DENND1C: variants seen among roughly 807,000 people sequenced by gnomAD.
The protein encoded by DENND1C is DENN domain containing 1C, also known as DENN domain-containing protein 1C.
In DENND1C, 64 loss-of-function variants were observed where a neutral mutation model predicts 87.9. The ratio of observed to expected loss-of-function variants is 0.73; its 90% CI spans 0.60 to 0.90. The LOEUF (loss-of-function observed/expected upper bound fraction) is 0.90. Among genes scored for constraint, DENND1C ranks in the 40% least tolerant of loss-of-function variants. DENND1C has a pLI of 0.00. For synonymous variants in DENND1C, 384 were observed against 424.4 expected (o/e 0.90, Z 1.17); for missense variants, 980 against 1,037.0 (o/e 0.95, Z 0.76).
intron 1 of DENND1C, chr19:6,480,576 AT>A: frequency 4.0e-6 from 1 of 252,510 alleles, no homozygotes; most frequent in African/African-American, 3.2e-5. Context: ...CTATCTATCT[AT>A]CTATCTATCT....
chr19:6,468,105 C>G lies in DENND1C; in HGVS notation c.1805G>C (p.Arg602Thr). 6.2e-7 allele frequency: 1 copy of G among 1,613,326 alleles called. No homozygotes were observed. The highest frequency in any genetic ancestry group is 1.1e-5 in the South Asian group (1 of 91,038). ...TAGTTTCTTATCGTCTGGTTGCCAT[C>G]TTGGTATGTTGGGCTAGGTGAGATG... is the stretch of plus-strand genomic sequence containing the variant. ...DSCFSLPNIP[R>T]WQPDDKKLPE... The change falls in exon 23 of 23, where the codon AGA becomes ACA. Residue 602 changes from arginine (R) to threonine (T), a missense_variant. By Grantham distance (71) the Arg-to-Thr change is moderately conservative. Coordinates refer to ENST00000381480, the MANE Select transcript of DENND1C (RefSeq NM_024898.4).
chr19:6,479,545 T>G, intron 4 of DENND1C, 124 bp downstream of exon 4: 1 of 1,211,858 alleles, frequency 8.3e-7, no homozygotes, highest in Non-Finnish European at 1.2e-6. Flanking sequence ...AGTGTCTGAG[T>G]CTCTGAGTCT....
Position 6,467,701 on chromosome 19 carries a change from G to C in DENND1C, c.2209C>G (p.Pro737Ala). 1 of 1,521,756 alleles carries C rather than the reference G, an allele frequency of 6.6e-7. No individual in the cohort carries two copies. The highest frequency in any genetic ancestry group is 8.8e-7 in the Non-Finnish European group (1 of 1,137,784). 94.3% of individuals were successfully genotyped at this position (1,521,756 alleles called of 1,614,324 possible). ...TCCAGAGAACTGGGGTCTGAGGAAG[G>C]ATCAAGGGGCTGGGACGTCCAGGCT... The part of the protein sequence containing the change: ...DIAWTSQPLD[P>A]SSDPSSLEDP... The change falls in exon 23 of 23, where the codon CCT (proline) becomes GCT (alanine). Residue 737 changes from proline to alanine, a missense_variant. Pro to Ala is a conservative substitution (Grantham distance 27, BLOSUM62 -1). Coordinates refer to ENST00000381480, the MANE Select transcript of DENND1C (RefSeq NM_024898.4).
Position 6,475,600 on chromosome 19 carries a change from G to A in DENND1C, c.826-15C>T. On this transcript the variant is annotated splice_polypyrimidine_tract_variant and intron_variant, in intron 12 of 22. Transcript: ENST00000381480. ...TCTCGTACTCTCTGCGGAAAAGCGG[G>A]GTCGGCCGCTCAGAGCCCGGGAGTC... 3 of 1,613,990 alleles carry A rather than the reference G, an allele frequency of 1.9e-6. No individual in the cohort carries two copies. Among genetic ancestry groups the A allele is most frequent in the Middle Eastern group, 1.6e-4 (1 of 6,062 alleles).
intron 19 of DENND1C, 93 bp from the exon 20 acceptor site, chr19:6,469,046 T>C: frequency 1.4e-6 from 1 of 730,330 alleles, no homozygotes; most frequent in Non-Finnish European, 1.9e-6. Flanking sequence ...TTTTTTTTTG[T>C]TTGAAATGAA....
In DENND1C at chr19:6,475,729, C is replaced by T; in HGVS notation, c.802G>A (p.Gly268Arg). 1 of 1,579,794 alleles carries T rather than the reference C, an allele frequency of 6.3e-7. No individual in the cohort carries two copies. Among genetic ancestry groups the T allele is most frequent in the Non-Finnish European group, 8.6e-7 (1 of 1,162,392 alleles). ...ACCTCGGCGAGACTGGCGTGCACTC[C>T]AATGAGGTAGGGCATGGGCGCGCTG... The part of the protein sequence containing the change: ...YCCAPMPYLI[G>R]VHASLAERVR... Residue 268 changes from glycine (G) to arginine (R), a missense_variant, in exon 12 of 23, where the codon GGA (glycine) becomes AGA (arginine). By Grantham distance (125) the Gly-to-Arg change is moderately radical (BLOSUM62 -2). Transcript: ENST00000381480.
In DENND1C at chr19:6,477,363, A is replaced by G; in HGVS notation, c.447+15T>C. The G allele has an allele frequency of 6.2e-7, 1 of 1,613,102 alleles. No homozygotes were observed. Among genetic ancestry groups the G allele is most frequent in the Non-Finnish European group, 8.5e-7 (1 of 1,179,478 alleles). ...CCACCTAAGGTCCAGCGCCCAGGGA[A>G]TGGGAGCTACTCACCAGCTCAAGCC... On this transcript the variant is annotated intron_variant, in intron 7 of 22. Coordinates refer to ENST00000381480, the MANE Select transcript of DENND1C (RefSeq NM_024898.4).
In DENND1C at chr19:6,472,938, G is replaced by T. The variant is rs2092837382; in HGVS notation, c.1109C>A (p.Pro370His). The stretch of plus-strand genomic sequence containing the variant: ...AGCCCGCCGGTGGAAGGCCTGCAGA[G>T]GTGCCCCAGGCTTCTGGGCCAAGAA... The part of the protein sequence containing the change: ...EVFLAQKPGA[P>H]LQAFHRRAVH... Residue 370 changes from proline (P) to histidine (H), a missense_variant, in exon 15 of 23, where the codon CCT becomes CAT. Pro to His is a moderately conservative substitution (Grantham distance 77, BLOSUM62 -2). Transcript: ENST00000381480. 1.3e-6 allele frequency: 2 copies of T among 1,593,526 alleles called. No individual in the cohort carries two copies. The highest frequency in any genetic ancestry group is 1.7e-6 in the Non-Finnish European group (2 of 1,170,946).
intron 17 of DENND1C, among the ~76,000 whole-genome samples, chr19:6,470,627 T>TTG (rs1555747481): frequency 6.8e-6 from 1 of 146,466 alleles, no homozygotes; most frequent in Non-Finnish European, 1.5e-5. Flanking sequence ...TTTGTTTTTT[T>TTG]TTTTTTTTTG....
intron 21 of DENND1C, 47 bp downstream of exon 21, chr19:6,468,531 A>G: frequency 6.4e-7 from 1 of 1,554,620 alleles, no homozygotes; most frequent in Non-Finnish European, 8.7e-7. Flanking sequence ...CCTCCCCATC[A>G]GTCCTGGCCT....
Position 6,472,920 on chromosome 19 carries a change from C to A in DENND1C, c.1127G>T (p.Arg376Leu), listed in dbSNP as rs763098051. The stretch of plus-strand genomic sequence containing the variant: ...GAACAGCTGCAGGTGCACAGCCCGC[C>A]GGTGGAAGGCCTGCAGAGGTGCCCC... Reference protein sequence around the residue: ...KPGAPLQAFHRRAVHLQLFKQ... With the variant: ...KPGAPLQAFHLRAVHLQLFKQ... Residue 376 changes from arginine to leucine, a missense_variant, in exon 15 of 23, where the codon CGG becomes CTG. Physicochemically the swap from Arg to Leu is moderately radical, Grantham distance 102 (BLOSUM62 -2). Transcript: ENST00000381480. 1.8e-5 allele frequency: 28 copies of A among 1,590,682 alleles called. 1 individual carries two copies. In the South Asian group the frequency reaches 2.0e-4, roughly 11 times the overall value.
intron 16 of DENND1C, 41 bp from the exon 17 acceptor site, chr19:6,471,346 T>C (rs1252754789): frequency 6.3e-7 from 1 of 1,593,510 alleles, no homozygotes; most frequent in Non-Finnish European, 8.5e-7. Context: ...GAAGGCTGGC[T>C]GAGGCTGGGG....
chr19:6,479,185 A>G (rs2092881874), intron 4 of DENND1C, 129 bp from the exon 5 acceptor site: 2 of 1,336,446 alleles, frequency 1.5e-6, no homozygotes, highest in Non-Finnish European at 2.0e-6. Context: ...GAATGTCTGG[A>G]TCCCTGGGTC....
chr19:6,470,510 A>AC lies in DENND1C; in HGVS notation c.1291-145dup, dbSNP rs1187524426. The AC allele has an allele frequency of 4.8e-5, 36 of 743,472 alleles. 1 individual carries two copies. In the East Asian group the frequency reaches 9.9e-4, roughly 20 times the overall value. The allele number at this position is 743,472 out of a possible 1,614,324, so 46.1% of individuals were successfully genotyped here. A position where few individuals can be genotyped will look rare whatever the true frequency, so the allele number is the denominator to read the frequency against. ...ATAAATGAACATGATCGTAGTCATGACCCTACCTGGTGACTTGCGGAGTTA... is the reference window on the plus strand; with the variant it reads ...ATAAATGAACATGATCGTAGTCATGACCCCTACCTGGTGACTTGCGGAGTTA... On this transcript the variant is annotated intron_variant, in intron 17 of 22. Transcript: ENST00000381480.
chr19:6,467,894 G>T lies in DENND1C; in HGVS notation c.2016C>A (p.Pro672=). 6.2e-7 allele frequency: 1 copy of T among 1,612,714 alleles called. No individual in the cohort carries two copies. Among genetic ancestry groups the T allele is most frequent in the Non-Finnish European group, 8.5e-7 (1 of 1,179,334 alleles). The change falls in exon 23 of 23, where the codon CCC becomes CCA. Residue 672 remains proline (P), a synonymous_variant. Transcript: ENST00000381480. ...ADPSIWGDPK[P]SPLTEPLILH... ...GAATTAGGGGCTCTGTGAGAGGAGAGGGTTTGGGGTCCCCCCAGATGCTTG... is the reference window on the plus strand; with the variant it reads ...GAATTAGGGGCTCTGTGAGAGGAGATGGTTTGGGGTCCCCCCAGATGCTTG...
chr19:6,469,373 G>C (rs1049562386), intron 19 of DENND1C: 1 of 536,104 alleles, frequency 1.9e-6, no homozygotes, highest in Non-Finnish European at 3.3e-6. Flanking sequence ...TGTCACCCAG[G>C]CTGGTGTACA....
Position 6,471,481 on chromosome 19 carries a change from G to C in DENND1C, c.1174C>G (p.Leu392Val). The stretch of plus-strand genomic sequence containing the variant: ...CCCTCCCCCTTGTTGAGCTTCTCCA[G>C]CCGGGCTTCGATGAACTGGGGTGGG... ...QLFKQFIEAR[L>V]EKLNKGEGFS... The change falls in exon 16 of 23, where the codon CTG becomes GTG. Residue 392 changes from leucine to valine, a missense_variant. By Grantham distance (32) the Leu-to-Val change is conservative (BLOSUM62 1). Coordinates refer to ENST00000381480, the MANE Select transcript of DENND1C (RefSeq NM_024898.4). 1 of 1,565,998 alleles carries C rather than the reference G, an allele frequency of 6.4e-7. No individual in the cohort carries two copies. The highest frequency in any genetic ancestry group is 1.2e-5 in the South Asian group (1 of 85,174).
intron 14 of DENND1C, among the ~76,000 whole-genome samples, chr19:6,474,199 GAA>G (rs74173088): frequency 1.4e-5 from 2 of 140,514 alleles, no homozygotes. Context: ...TGTCTCAAGA[GAA>G]AAAAAAAAAA....
At position 6,478,935 on chromosome 19, in the gene DENND1C, A is replaced by T. The variant is rs746891939; in HGVS notation, c.296+2T>A. 5.0e-6 allele frequency: 8 copies of T among 1,613,074 alleles called. No homozygotes were observed. In the South Asian group the frequency reaches 6.6e-5, roughly 13 times the overall value. On this transcript the variant is annotated splice_donor_variant, in intron 5 of 22. Transcript: ENST00000381480. LOFTEE classifies it high-confidence loss of function. ...CCCCCCTCCAACCCCCATATCCCGC[A>T]CCTGAGGATGCAGAGACAGCTCTGG...
Sources: allele counts gnomAD v4.1 joint callset (sites outside exome capture counted in the v4.1 genomes callset), GRCh38; gene constraint gnomAD v4.1.1; transcripts MANE v1.5; gene names NCBI Gene and HGNC (gene_info 2026-07-23, HGNC 2026-07-21).